Variants in PECR observed in about 807,000 individuals in gnomAD.
PECR encodes 2,4-dienoyl-CoA reductase-related protein.
In PECR, 30 loss-of-function variants were observed where a neutral mutation model predicts 35.3. The observed-to-expected ratio is 0.85, with a 90% CI of 0.64 to 1.15. PECR has a LOEUF of 1.15. Ranked by LOEUF, PECR falls within the 50% of genes most tolerant of loss-of-function variation. The probability of loss-of-function intolerance (pLI) is 0.00; values close to 1 mark genes in which losing one functional copy is unlikely to be tolerated. For missense variants in PECR, 392 were observed against 370.8 expected (o/e 1.06, Z -0.47); for synonymous variants, 148 against 138.9 (o/e 1.07, Z -0.46).
At chr2:216,054,913 C>T (rs568656788) in intron 4 of PECR, among the ~76,000 whole-genome samples, 2 of 148,748 alleles carry the variant, frequency 1.3e-5, no homozygotes, top group South Asian at 4.3e-4. Flanking sequence ...GAGTTCAAGA[C>T]CAGCCTGGCC....
In PECR at chr2:216,038,795, G is replaced by C. The variant is rs572294749; in HGVS notation, c.*480C>G. The C allele has an allele frequency of 6.0e-6, 1 of 167,890 alleles. No homozygotes were observed. The highest frequency in any genetic ancestry group is 2.4e-5 in the African/African-American group (1 of 41,574). 10.4% of individuals were successfully genotyped at this position (167,890 alleles called of 1,614,324 possible). A position where few individuals can be genotyped will look rare whatever the true frequency, so the allele number is the denominator to read the frequency against. On this transcript the variant is annotated 3_prime_UTR_variant, in exon 8 of 8. Coordinates refer to ENST00000265322, the MANE Select transcript of PECR (RefSeq NM_018441.6). ...CCGACTAATTTGTGTTTTTGTTTTT[G>C]TTGTTTTTCAGTAGAGACAGGGTTT...
intron 1 of PECR, among the ~76,000 whole-genome samples, chr2:216,071,592 T>C (rs1244452677): frequency 6.6e-6 from 1 of 152,142 alleles, no homozygotes; most frequent in East Asian, 1.9e-4. Flanking sequence ...AGGGTGCAAC[T>C]TACAGGGAAC....
chr2:216,065,751 A>G (rs559444045), intron 2 of PECR, among the ~76,000 whole-genome samples: 1 of 152,376 alleles, frequency 6.6e-6, no homozygotes, highest in African/African-American at 2.4e-5. Flanking sequence ...TGAGTAGGGC[A>G]GGCCTCTGTC....
At chr2:216,081,081 A>G (rs1695831497) in intron 1 of PECR, among the ~76,000 whole-genome samples, 1 of 152,150 alleles carries the variant, frequency 6.6e-6, no homozygotes, top group Admixed American at 6.5e-5. Flanking sequence ...GAGGATTTAC[A>G]CTTTCATACA....
chr2:216,063,049 A>C (rs1252864982), intron 3 of PECR, among the ~76,000 whole-genome samples: 4 of 152,232 alleles, frequency 2.6e-5, no homozygotes, highest in Non-Finnish European at 4.4e-5. Flanking sequence ...TTTTGGTATA[A>C]ATTTTTTCAG....
chr2:216,074,341 G>A (rs1244786675), intron 1 of PECR, among the ~76,000 whole-genome samples: 2 of 152,168 alleles, frequency 1.3e-5, no homozygotes, highest in African/African-American at 4.8e-5. Context: ...CAGCTACTCA[G>A]GAGACTAAGC....
chr2:216,075,481 C>T (rs1208421840), intron 1 of PECR, among the ~76,000 whole-genome samples: 1 of 152,088 alleles, frequency 6.6e-6, no homozygotes, highest in Non-Finnish European at 1.5e-5. Context: ...TTATACACTT[C>T]TATACTGTTT....
At chr2:216,043,063 A>ATGTG (rs1346696186) in intron 7 of PECR, among the ~76,000 whole-genome samples, 1 of 48,498 alleles carries the variant, frequency 2.1e-5, no homozygotes, top group Non-Finnish European at 3.9e-5. Context: ...ACATACGTAT[A>ATGTG]TATGTATGTA....
Position 216,059,076 on chromosome 2 carries a change from T to C in PECR, c.425-100A>G, listed in dbSNP as rs1248626668. 1.2e-5 allele frequency: 9 copies of C among 758,240 alleles called. No homozygotes were observed. In the Admixed American group the frequency reaches 1.2e-4, roughly 10 times the overall value. 47.0% of individuals were successfully genotyped at this position (758,240 alleles called of 1,614,324 possible). A position where few individuals can be genotyped will look rare whatever the true frequency, so the allele number is the denominator to read the frequency against. ...CTGCCTGTTTGATATGTTTTACACG[T>C]CCATTTACATTTCCTTATAAAAAGC... On this transcript the variant is annotated intron_variant, in intron 3 of 7. Transcript: ENST00000265322.
chr2:216,063,940 G>T (rs1222006558), intron 3 of PECR: 4 of 152,034 alleles, frequency 2.6e-5, no homozygotes, highest in Admixed American at 1.3e-4. Flanking sequence ...GCCCAGGCTG[G>T]TCTCAAACTC....
chr2:216,040,035 T>C (rs575960087), intron 7 of PECR, among the ~76,000 whole-genome samples: 61 of 152,178 alleles, frequency 4.0e-4, no homozygotes, highest in South Asian at 3.3e-3. Flanking sequence ...GCCTTACACA[T>C]AGAAACAGCA....
intron 7 of PECR, among the ~76,000 whole-genome samples, chr2:216,043,096 T>TATATACACACATATAC (rs1491341667): frequency 0.013 from 1,748 of 135,914 alleles, 48 homozygotes; most frequent in Non-Finnish European, 0.02. Flanking sequence ...TACATATATA[T>TATATACACACATATAC]GTATGCGTAT....
chr2:216,051,511 G>C lies in PECR; in HGVS notation c.541C>G (p.Leu181Val). 6.2e-7 allele frequency: 1 copy of C among 1,612,612 alleles called. No homozygotes were observed. The highest frequency in any genetic ancestry group is 8.5e-7 in the Non-Finnish European group (1 of 1,178,596). The change falls in exon 5 of 8, where the codon CTC (leucine) becomes GTC (valine). Residue 181 changes from leucine (L) to valine (V), a missense_variant. Coordinates refer to ENST00000265322, the MANE Select transcript of PECR (RefSeq NM_018441.6). The part of the protein sequence containing the change: ...SGAARAGVYN[L>V]TKSLALEWAC... ...CATTCCAAAGCTAAAGATTTGGTGA[G>C]GTTGTAAACACCTGCTCTTGCAGCT...
chr2:216,043,291 G>A (rs1241451905), intron 7 of PECR, among the ~76,000 whole-genome samples: 2 of 151,398 alleles, frequency 1.3e-5, no homozygotes, highest in African/African-American at 2.4e-5. Flanking sequence ...TGTATTTTTA[G>A]TAGAGACGGG....
At chr2:216,074,558 AAG>A (rs987354463) in intron 1 of PECR, among the ~76,000 whole-genome samples, 8 of 150,704 alleles carry the variant, frequency 5.3e-5, no homozygotes, top group African/African-American at 9.8e-5. Context: ...GGAAGGAAGG[AAG>A]AGAGAGAGAG....
At chr2:216,065,560 G>C (rs1213757599) in intron 2 of PECR, 83 bp from the exon 3 acceptor site, 1 of 831,480 alleles carries the variant, frequency 1.2e-6, no homozygotes, top group Non-Finnish European at 2.1e-6. Flanking sequence ...GCTCTAGACA[G>C]AGTTTGCAAT....
chr2:216,034,864 C>T (rs1362502117), downstream of PECR, among the ~76,000 whole-genome samples: 1 of 152,188 alleles, frequency 6.6e-6, no homozygotes, highest in Admixed American at 6.5e-5. Flanking sequence ...CAGTTGATAG[C>T]TGGACTTCAT....
chr2:216,044,163 A>T lies in PECR; in HGVS notation c.715-148T>A, dbSNP rs181515885. The T allele has an allele frequency of 2.0e-4, 130 of 662,512 alleles. No homozygotes were observed. In the East Asian group the frequency reaches 3.5e-3, roughly 18 times the overall value. The allele number at this position is 662,512 out of a possible 1,614,324, so 41.0% of individuals were successfully genotyped here. A position where few individuals can be genotyped will look rare whatever the true frequency, so the allele number is the denominator to read the frequency against. On this transcript the variant is annotated intron_variant, in intron 6 of 7. Coordinates refer to ENST00000265322, the MANE Select transcript of PECR (RefSeq NM_018441.6). ...CATGTGCACCACAACCTCACAGTAC[A>T]TAGACAACTTCCTTTTCCTACAATT... is the stretch of plus-strand genomic sequence containing the variant.
chr2:216,081,497 G>T, intron 1 of PECR, 121 bp downstream of exon 1: 1 of 1,255,914 alleles, frequency 8.0e-7, no homozygotes, highest in Non-Finnish European at 1.2e-6. Flanking sequence ...GCCCACACCT[G>T]CCCCGTCTTT....
Sources: gnomAD v4.1 joint callset for allele counts (sites outside exome capture counted in the v4.1 genomes callset) on GRCh38, gnomAD v4.1.1 for gene constraint, MANE v1.5 for transcripts, NCBI Gene and HGNC (gene_info 2026-07-23, HGNC 2026-07-21) for gene names.